Variants in MYADML2 observed in about 807,000 individuals in gnomAD.
The protein encoded by MYADML2 is myeloid-associated differentiation marker-like protein 2.
In MYADML2, 17 loss-of-function variants were observed where a neutral mutation model predicts 16.0. The ratio of observed to expected loss-of-function variants is 1.06; its 90% CI spans 0.73 to 1.60. MYADML2 has a LOEUF of 1.60. Among genes scored for constraint, MYADML2 ranks in the 40% most tolerant of loss-of-function variants. The pLI, the probability that MYADML2 is intolerant of heterozygous loss-of-function variation, is 0.00. For missense variants in MYADML2, 422 were observed against 437.7 expected (o/e 0.96, Z 0.32); for synonymous variants, 210 against 208.1 (o/e 1.01, Z -0.08).
rs534148212 is a variant in MYADML2 at position 81,945,321 on chromosome 17, C to T, written c.-181+1738G>A. On this transcript the variant is annotated intron_variant, in intron 1 of 2. Coordinates refer to ENST00000409745, the MANE Select transcript of MYADML2 (RefSeq NM_001145113.3). ...TTGGGAGGCCAAGGTGGGCGGATCA[C>T]GAGGTCAGGAGATCGAGACCATCCT... Among the ~76,000 whole-genome samples the T allele has an allele frequency of 1.5e-4, 23 of 152,016 alleles. No homozygotes were observed. The East Asian group carries it at 3.3e-3, about 22-fold the overall frequency.
At chr17:81,946,904 G>A (rs2041351001) in intron 1 of MYADML2, among the ~76,000 whole-genome samples, 155 bp downstream of exon 1, 1 of 152,132 alleles carries the variant, frequency 6.6e-6, no homozygotes. Flanking sequence ...TTGAACCTGG[G>A]AGGCGGAGAT....
rs1164190624 is a variant in MYADML2 at position 81,941,765 on chromosome 17, A to G, written c.-24T>C. 2.0e-6 allele frequency: 3 copies of G among 1,482,734 alleles called. No individual in the cohort carries two copies. The Admixed American group carries it at 7.1e-5, about 35-fold the overall frequency. 91.8% of individuals were successfully genotyped at this position (1,482,734 alleles called of 1,614,324 possible). A position where few individuals can be genotyped will look rare whatever the true frequency, so the allele number is the denominator to read the frequency against. ...ATCTGGCCAGCCACGTTTCCAGCTCACACAGTCCCCCAAGGCCCTGGGGTC... is the reference window on the plus strand; with the variant it reads ...ATCTGGCCAGCCACGTTTCCAGCTCGCACAGTCCCCCAAGGCCCTGGGGTC... On this transcript the variant is annotated 5_prime_UTR_variant, in exon 3 of 3. Coordinates refer to ENST00000409745, the MANE Select transcript of MYADML2 (RefSeq NM_001145113.3).
At chr17:81,946,211 C>T (rs1009802038) in intron 1 of MYADML2, among the ~76,000 whole-genome samples, 58 of 151,154 alleles carry the variant, frequency 3.8e-4, no homozygotes, top group African/African-American at 9.5e-4. Flanking sequence ...AAAAATTAGC[C>T]GGGCGTGGTG....
intron 1 of MYADML2, among the ~76,000 whole-genome samples, chr17:81,945,538 CA>C (rs796429824): frequency 0.026 from 3,547 of 136,354 alleles, 115 homozygotes; most frequent in African/African-American, 0.086. Context: ...GACTCTGTCT[CA>C]AAAAAAAAAA....
At chr17:81,943,990 T>G (rs1022012508) in intron 1 of MYADML2, among the ~76,000 whole-genome samples, 6 of 151,688 alleles carry the variant, frequency 4.0e-5, no homozygotes, top group African/African-American at 1.5e-4. Flanking sequence ...CACGTGCCTG[T>G]AGTCCCAGCT....
chr17:81,941,526 C>T lies in MYADML2; in HGVS notation c.216G>A (p.Glu72=). The T allele has an allele frequency of 6.5e-7, 1 of 1,548,106 alleles. No homozygotes were observed. Among genetic ancestry groups the T allele is most frequent in the Non-Finnish European group, 8.7e-7 (1 of 1,146,310 alleles). Residue 72 remains glutamate (E), a synonymous_variant, in exon 3 of 3, where the codon GAG becomes GAA. Transcript: ENST00000409745. ...GCAGGCAGCCGTGGAGCCGTGTGAA[C>T]TCACAGGCCACCACCAGCGCAGAGA... is the stretch of plus-strand genomic sequence containing the variant. ...FAVSALVVAC[E]FTRLHGCLRL...
At position 81,941,238 on chromosome 17, in the gene MYADML2, C is replaced by A. The variant is rs1325966466; in HGVS notation, c.504G>T (p.Lys168Asn). 6.5e-7 allele frequency: 1 copy of A among 1,550,040 alleles called. No homozygotes were observed. The highest frequency in any genetic ancestry group is 1.4e-5 in the African/African-American group (1 of 73,056). The change falls in exon 3 of 3, where the codon AAG becomes AAT. Residue 168 changes from lysine to asparagine, a missense_variant. Physicochemically the swap from Lys to Asn is moderately conservative, Grantham distance 94 (BLOSUM62 0). Coordinates refer to ENST00000409745, the MANE Select transcript of MYADML2 (RefSeq NM_001145113.3). ...TGCAGGCCACGAAGGCCTGGACGAT[C>A]TTGAGGAGCCCCGACACCGTGGCCA... ...SYMATVSGLL[K>N]IVQAFVACII...
chr17:81,943,200 C>A (rs983016204), intron 1 of MYADML2, among the ~76,000 whole-genome samples: 1 of 141,156 alleles, frequency 7.1e-6, no homozygotes, highest in Non-Finnish European at 1.6e-5. Flanking sequence ...CTCCCGAGTA[C>A]CTGGGACTAC....
chr17:81,943,284 T>A (rs1340668670), intron 1 of MYADML2, among the ~76,000 whole-genome samples: 3 of 151,682 alleles, frequency 2.0e-5, no homozygotes, highest in African/African-American at 7.3e-5. Context: ...TTAGCCAGGA[T>A]GGTCTCGATA....
At chr17:81,945,239 TA>T (rs112063876) in intron 1 of MYADML2, among the ~76,000 whole-genome samples, 11,553 of 142,176 alleles carry the variant, frequency 0.081, 1,210 homozygotes, top group African/African-American at 0.25. Context: ...TGTCTATATT[TA>T]AAAAAAAAAA....
intron 1 of MYADML2, among the ~76,000 whole-genome samples, chr17:81,944,809 T>C (rs755482847): frequency 1.3e-5 from 2 of 152,152 alleles, no homozygotes; most frequent in Non-Finnish European, 2.9e-5. Context: ...CAGTCATGCC[T>C]ACGTAATGAA....
intron 1 of MYADML2, among the ~76,000 whole-genome samples, chr17:81,946,069 T>C (rs2041341799): frequency 6.6e-6 from 1 of 151,732 alleles, no homozygotes; most frequent in Admixed American, 6.6e-5. Context: ...ATACAAAAAA[T>C]ACTGGCCCGG....
intron 1 of MYADML2, among the ~76,000 whole-genome samples, chr17:81,944,060 C>T (rs960178081): frequency 6.7e-6 from 1 of 148,462 alleles, no homozygotes; most frequent in African/African-American, 2.5e-5. Context: ...TGCAGTGAGC[C>T]GAAATCACGC....
In MYADML2 at chr17:81,941,493, G is replaced by A. The variant is rs1358145740; in HGVS notation, c.249C>T (p.Ser83=). ...CGAAGGCGGCGGTGAAGTTGCCCCA[G>A]GAGAGCCGCAGGCAGCCGTGGAGCC... ...FTRLHGCLRL[S]WGNFTAAFAM... The change falls in exon 3 of 3, where the codon TCC becomes TCT. Residue 83 remains serine (S), a synonymous_variant. Coordinates refer to ENST00000409745, the MANE Select transcript of MYADML2 (RefSeq NM_001145113.3). 6.5e-7 allele frequency: 1 copy of A among 1,548,532 alleles called. No homozygotes were observed. Among genetic ancestry groups the A allele is most frequent in the Middle Eastern group, 1.7e-4 (1 of 5,998 alleles).
Position 81,940,704 on chromosome 17 carries a change from G to C in MYADML2, c.*114C>G, listed in dbSNP as rs1311854393. 5 of 1,176,998 alleles carry C rather than the reference G, an allele frequency of 4.2e-6. No homozygotes were observed. The highest frequency in any genetic ancestry group is 5.8e-6 in the Non-Finnish European group (5 of 854,860). The allele number at this position is 1,176,998 out of a possible 1,614,324, so 72.9% of individuals were successfully genotyped here. A position where few individuals can be genotyped will look rare whatever the true frequency, so the allele number is the denominator to read the frequency against. On this transcript the variant is annotated 3_prime_UTR_variant, in exon 3 of 3. Coordinates refer to ENST00000409745, the MANE Select transcript of MYADML2 (RefSeq NM_001145113.3). The stretch of plus-strand genomic sequence containing the variant: ...TCTCCCGTTGTACTTCATCTCCCCT[G>C]AGCCCGCGGCTTCCCTCCTGCTCGC...
chr17:81,941,437 G>T lies in MYADML2; in HGVS notation c.305C>A (p.Ala102Asp). The T allele has an allele frequency of 6.5e-7, 1 of 1,549,462 alleles. No homozygotes were observed. Among genetic ancestry groups the T allele is most frequent in the Non-Finnish European group, 8.7e-7 (1 of 1,146,678 alleles). Residue 102 changes from alanine (A) to aspartate (D), a missense_variant, in exon 3 of 3, where the codon GCT (alanine) becomes GAT (aspartate). Coordinates refer to ENST00000409745, the MANE Select transcript of MYADML2 (RefSeq NM_001145113.3). ...AAAGTACAGCGGATACAGGACCGCA[G>T]CCGTCGCGCATAGCAGGGTGGCCAG... ...AMLATLLCAT[A>D]AVLYPLYFAR...
rs1328591443 is a variant in MYADML2, at chr17:81,941,538, C to T, written c.204G>A (p.Val68=). The T allele has an allele frequency of 5.2e-6, 8 of 1,548,384 alleles. No individual in the cohort carries two copies. In the Admixed American group the frequency reaches 9.8e-5, roughly 19 times the overall value. ...GGAGCCGTGTGAACTCACAGGCCAC[C>T]ACCAGCGCAGAGACGGCGAAGCAGA... is the stretch of plus-strand genomic sequence containing the variant. ...WGFCFAVSAL[V]VACEFTRLHG... The change falls in exon 3 of 3, where the codon GTG becomes GTA. Residue 68 remains valine, a synonymous_variant. Coordinates refer to ENST00000409745, the MANE Select transcript of MYADML2 (RefSeq NM_001145113.3).
At chr17:81,946,761 C>T (rs564103867) in intron 1 of MYADML2, among the ~76,000 whole-genome samples, 3 of 152,270 alleles carry the variant, frequency 2.0e-5, no homozygotes, top group African/African-American at 7.2e-5. Flanking sequence ...CACCTGAAGT[C>T]AGGAGTTTGA....
chr17:81,941,809 C>T lies in MYADML2; in HGVS notation c.-68G>A. 1 of 1,410,932 alleles carries T rather than the reference C, an allele frequency of 7.1e-7. No homozygotes were observed. The highest frequency in any genetic ancestry group is 9.4e-7 in the Non-Finnish European group (1 of 1,064,044). The allele number at this position is 1,410,932 out of a possible 1,614,324, so 87.4% of individuals were successfully genotyped here. On this transcript the variant is annotated 5_prime_UTR_variant, in exon 3 of 3. Transcript: ENST00000409745. ...TGGGGTCCCTGCTGGGCCAAGGCCC[C>T]TCAGTCCTCTGCGGTAGTGGCAGGT...
Sources: allele counts gnomAD v4.1 joint callset (sites outside exome capture counted in the v4.1 genomes callset), GRCh38; gene constraint gnomAD v4.1.1; transcripts MANE v1.5; gene names NCBI Gene and HGNC (gene_info 2026-07-23, HGNC 2026-07-21).